The following CADPS variants were observed in gnomAD, a reference collection of about 807,000 sequenced individuals.
CADPS encodes calcium dependent secretion activator, also known as calcium-dependent secretion activator 1.
Under a neutral mutation model 167.3 loss-of-function variants are expected in CADPS, and 57 were observed. The observed-to-expected ratio is 0.34, with a 90% confidence interval of 0.28 to 0.42. The LOEUF is 0.42. Ranked by LOEUF, CADPS falls within the 20% of genes least tolerant of loss-of-function variation. The pLI is 1.00. For synonymous variants in CADPS, 676 were observed against 635.3 expected, an observed-to-expected ratio of 1.06 and a Z score of -0.96; for missense variants, 1,414 against 1,738.1, an observed-to-expected ratio of 0.81 and a Z score of 3.32.
chr3:62,615,420 A>G (rs993096370), intron 6 of CADPS, among the ~76,000 whole-genome samples: 1 of 152,234 alleles, frequency 6.6e-6, no homozygotes, highest in Non-Finnish European at 1.5e-5. Flanking sequence ...GTAACAAAGC[A>G]TCAGCTGAGT....
Position 62,491,225 on chromosome 3 carries a change from T to A in CADPS, c.3026+114A>T, listed in dbSNP as rs989888872. The A allele has an allele frequency of 3.4e-6, 4 of 1,172,740 alleles. No homozygotes were observed. The Admixed American group carries it at 6.7e-5, about 20-fold the overall frequency. The allele number at this position is 1,172,740 out of a possible 1,614,324, so 72.6% of individuals were successfully genotyped here. A position where few individuals can be genotyped will look rare whatever the true frequency, so the allele number is the denominator to read the frequency against. On this transcript the variant is annotated intron_variant, in intron 21 of 29. Coordinates refer to ENST00000383710, the MANE Select transcript of CADPS (RefSeq NM_003716.4). Reference sequence around the variant, plus strand: ...ATCATAGTAGAAGAAATGTATGGTGTTTCTCTCTGTCCACAATAACAGTGA... The same window carrying A: ...ATCATAGTAGAAGAAATGTATGGTGATTCTCTCTGTCCACAATAACAGTGA...
At chr3:62,801,156 A>C (rs1235914354) in intron 1 of CADPS, among the ~76,000 whole-genome samples, 1 of 152,184 alleles carries the variant, frequency 6.6e-6, no homozygotes, top group Non-Finnish European at 1.5e-5. Flanking sequence ...CTTAACTAAC[A>C]GATAGTGCTT....
intron 26 of CADPS, among the ~76,000 whole-genome samples, chr3:62,464,047 A>G (rs2059670872): frequency 1.3e-5 from 2 of 152,190 alleles, no homozygotes; most frequent in African/African-American, 4.8e-5. Flanking sequence ...TACAATAATC[A>G]TATTAGTTAC....
intron 10 of CADPS, among the ~76,000 whole-genome samples, chr3:62,552,443 G>A (rs1397319516): frequency 6.6e-6 from 1 of 152,180 alleles, no homozygotes; most frequent in African/African-American, 2.4e-5. Flanking sequence ...GCTACATTGT[G>A]TCCATCAACA....
At chr3:62,436,814 T>G (rs2055157579) in intron 28 of CADPS, among the ~76,000 whole-genome samples, 1 of 151,178 alleles carries the variant, frequency 6.6e-6, no homozygotes, top group African/African-American at 2.4e-5. Context: ...GGAAAGGTGA[T>G]GCAGGGGAAA....
At chr3:62,565,485 G>T (rs2079982953) in intron 9 of CADPS, among the ~76,000 whole-genome samples, 1 of 152,034 alleles carries the variant, frequency 6.6e-6, no homozygotes, top group Admixed American at 6.6e-5. Context: ...TATCTCCTGG[G>T]GTGCCTTTTA....
intron 12 of CADPS, 115 bp from the exon 13 acceptor site, chr3:62,533,173 C>T: frequency 1.2e-6 from 1 of 816,212 alleles, no homozygotes; most frequent in Non-Finnish European, 1.9e-6. Context: ...GCTAACACTC[C>T]TTGATTGCCT....
intron 3 of CADPS, among the ~76,000 whole-genome samples, chr3:62,723,395 G>A (rs570321757): frequency 2.0e-5 from 3 of 152,064 alleles, no homozygotes; most frequent in African/African-American, 4.8e-5. Flanking sequence ...GGTTGCAGAC[G>A]GGTAGAGGAA....
rs1364266570 is a variant in CADPS at position 62,874,749 on chromosome 3, G to A, written c.281C>T (p.Pro94Leu). ...AGGGRPSSPSPSVVSEKEKEE... is the reference protein window; with the variant it reads ...AGGGRPSSPSLSVVSEKEKEE... ...CTTCTCCTTCTCGCTCACCACCGAC[G>A]GGCTGGGGCTGGAGGGCCGGCCGCC... Residue 94 changes from proline (P) to leucine (L), a missense_variant, in exon 1 of 30, where the codon CCG becomes CTG. Pro to Leu is a moderately conservative substitution (Grantham distance 98). This residue lies in a region of CADPS where 522 missense variants were observed against 559.5 expected (regional missense o/e 0.93). Transcript: ENST00000383710. The surrounding 1 kb of genome is among the most constrained non-coding windows in gnomAD (Gnocchi z 7.1). The A allele has an allele frequency of 3.3e-6, 5 of 1,499,194 alleles. No homozygotes were observed. Among genetic ancestry groups the A allele is most frequent in the Non-Finnish European group, 4.5e-6 (5 of 1,103,610 alleles). 92.9% of individuals were successfully genotyped at this position (1,499,194 alleles called of 1,614,324 possible). A position where few individuals can be genotyped will look rare whatever the true frequency, so the allele number is the denominator to read the frequency against.
intron 1 of CADPS, 46 bp from the exon 2 acceptor site, chr3:62,766,030 C>T (rs994656323): frequency 7.3e-7 from 1 of 1,377,184 alleles, no homozygotes; most frequent in South Asian, 1.2e-5. Context: ...TTGTCCTAGA[C>T]AAGGATCATG....
intron 13 of CADPS, among the ~76,000 whole-genome samples, chr3:62,525,385 G>A (rs2071812249): frequency 6.6e-6 from 1 of 152,052 alleles, no homozygotes; most frequent in Admixed American, 6.6e-5. Flanking sequence ...ATTAAGTAAA[G>A]CTGGCTCCTT....
chr3:62,485,657 A>T (rs1450998896), intron 21 of CADPS, among the ~76,000 whole-genome samples: 1 of 152,150 alleles, frequency 6.6e-6, no homozygotes, highest in African/African-American at 2.4e-5. Flanking sequence ...TTCCCATTAC[A>T]TCCTTATCAT....
At chr3:62,439,889 G>A (rs1326778095) in intron 27 of CADPS, 1 of 152,092 alleles carries the variant, frequency 6.6e-6, no homozygotes, top group East Asian at 1.9e-4. Context: ...AAGTTTCACT[G>A]TCTTCAAAGG....
chr3:62,512,251 GC>G (rs2068001744), intron 17 of CADPS, among the ~76,000 whole-genome samples: 2 of 152,060 alleles, frequency 1.3e-5, no homozygotes, highest in South Asian at 4.1e-4. Flanking sequence ...ACAACTTCCA[GC>G]AACAGCCCCT....
In CADPS at chr3:62,874,634, G is replaced by C; in HGVS notation, c.396C>G (p.Pro132=). The C allele has an allele frequency of 6.4e-7, 1 of 1,560,712 alleles. No individual in the cohort carries two copies. Among genetic ancestry groups the C allele is most frequent in the Non-Finnish European group, 8.7e-7 (1 of 1,151,688 alleles). The change falls in exon 1 of 30, where the codon CCC becomes CCG. Residue 132 remains proline (P), a synonymous_variant. Transcript: ENST00000383710. This position sits in a 1 kb window ranked among gnomAD's most constrained non-coding sequence, Gnocchi z 7.1. ...YVFVMRCIAY[P]FNAKQPTDMA... is the part of the protein sequence containing the mutation. ...TGTCGGTGGGCTGCTTGGCATTAAA[G>C]GGGTAGGCGATGCAGCGCATCACGA...
chr3:62,399,029 A>G lies in CADPS; in HGVS notation c.*377T>C, dbSNP rs1346066349. The G allele has an allele frequency of 6.2e-6, 1 of 161,196 alleles. No homozygotes were observed. Among genetic ancestry groups the G allele is most frequent in the African/African-American group, 2.4e-5 (1 of 41,868 alleles). 10.0% of individuals were successfully genotyped at this position (161,196 alleles called of 1,614,324 possible). On this transcript the variant is annotated 3_prime_UTR_variant, in exon 30 of 30. Transcript: ENST00000383710. The surrounding 1 kb of genome is among the most constrained non-coding windows in gnomAD (Gnocchi z 5.6). Reference sequence around the variant, plus strand: ...ATTAACTGGCATCCACATACGTGAAACAGAGTGAATGTACTTGATGTACTT... The same window carrying G: ...ATTAACTGGCATCCACATACGTGAAGCAGAGTGAATGTACTTGATGTACTT...
At chr3:62,809,244 C>T (rs2094274927) in intron 1 of CADPS, among the ~76,000 whole-genome samples, 1 of 152,278 alleles carries the variant, frequency 6.6e-6, no homozygotes, top group Non-Finnish European at 1.5e-5. Context: ...TCACGTTGCT[C>T]CTCCTGCCTG....
chr3:62,577,192 G>C (rs1340970630), intron 8 of CADPS, among the ~76,000 whole-genome samples: 1 of 152,074 alleles, frequency 6.6e-6, no homozygotes. Flanking sequence ...GGCAATGCTT[G>C]TAACTTTTCA....
Position 62,433,240 on chromosome 3 carries a change from GT to G in CADPS, c.3777+4863del, listed in dbSNP as rs2054326579. Among the ~76,000 whole-genome samples, 1 of 152,114 alleles carries G rather than the reference GT, an allele frequency of 6.6e-6. No homozygotes were observed. Among genetic ancestry groups the G allele is most frequent in the Non-Finnish European group, 1.5e-5 (1 of 68,008 alleles). ...ATATTTTAACAGGCAAAGGTTTCAT[GT>G]TTCAAATTACCCTTTTCAAGGGAAC... is the stretch of plus-strand genomic sequence containing the variant. On this transcript the variant is annotated intron_variant, in intron 28 of 29. Transcript: ENST00000383710. This position sits in a 1 kb window ranked among gnomAD's most constrained non-coding sequence, Gnocchi z 4.7.
Sources: gnomAD v4.1 joint callset for allele counts (sites outside exome capture counted in the v4.1 genomes callset) on GRCh38, gnomAD v4.1.1 for gene constraint, gnomAD v4.1.1 regional missense constraint, Gnocchi (gnomAD v3.1) non-coding constraint, MANE v1.5 for transcripts, NCBI Gene and HGNC (gene_info 2026-07-23, HGNC 2026-07-21) for gene names.